KDM2A: variants seen among roughly 807,000 people sequenced by gnomAD.
KDM2A encodes lysine demethylase 2A.
In KDM2A, 3 loss-of-function variants were observed where a neutral mutation model predicts 137.3. The observed-to-expected ratio is 0.02, with a 90% CI of 0.01 to 0.06. The LOEUF is 0.06. KDM2A is among the 10% of genes least tolerant of loss of function. The pLI is 1.00. For synonymous variants in KDM2A, 512 were observed against 541.5 expected, an observed-to-expected ratio of 0.95 and a Z score of 0.76; for missense variants, 738 against 1,510.6, an observed-to-expected ratio of 0.49 and a Z score of 8.48.
intron 5 of KDM2A, among the ~76,000 whole-genome samples, chr11:67,188,476 T>G (rs1296716744): frequency 2.4e-4 from 34 of 144,224 alleles, no homozygotes; most frequent in African/African-American, 8.6e-4. Flanking sequence ...AGCAAGACTC[T>G]GTCTCAAAAA....
rs1175709878 is a variant in KDM2A, at chr11:67,250,170, C to A, written c.2140C>A (p.Pro714Thr). The A allele has an allele frequency of 1.2e-6, 2 of 1,613,702 alleles. No individual in the cohort carries two copies. Among genetic ancestry groups the A allele is most frequent in the Non-Finnish European group, 1.7e-6 (2 of 1,179,782 alleles). The change falls in exon 17 of 21, where the codon CCC (proline) becomes ACC (threonine). Residue 714 changes from proline to threonine, a missense_variant. By Grantham distance (38) the Pro-to-Thr change is conservative (BLOSUM62 -1). Around this residue, in one of 9 missense-constraint regions of KDM2A, gnomAD observed 244 missense variants for 324.6 expected, o/e 0.75. Coordinates refer to ENST00000529006, the MANE Select transcript of KDM2A (RefSeq NM_012308.3). This position sits in a 1 kb window ranked among gnomAD's most constrained non-coding sequence, Gnocchi z 7.1. Reference protein sequence around the residue: ...PLRSCDEPLTPPPHSPTSMLQ... With the variant: ...PLRSCDEPLTTPPHSPTSMLQ... ...GCGGAGCTGCGATGAGCCTCTCACGCCCCCGCCTCATTCACCCACTTCCAT... is the reference window on the plus strand; with the variant it reads ...GCGGAGCTGCGATGAGCCTCTCACGACCCCGCCTCATTCACCCACTTCCAT...
rs186123839 is a variant in KDM2A, at chr11:67,235,451, T to G, written c.1479+3491T>G. ...TCCCGAGTAGCTGGGATTACAGGCA[T>G]GCACCACCACCCTGGCTAATTTTGT... On this transcript the variant is annotated intron_variant, in intron 12 of 20. Coordinates refer to ENST00000529006, the MANE Select transcript of KDM2A (RefSeq NM_012308.3). Among the ~76,000 whole-genome samples the G allele has an allele frequency of 3.5e-3, 533 of 151,446 alleles. 2 individuals carry two copies. The highest frequency in any genetic ancestry group is 0.027 in the Middle Eastern group (8 of 292).
chr11:67,152,729 T>G lies in KDM2A; in HGVS notation c.43-27350T>G, dbSNP rs1411233375. Among the ~76,000 whole-genome samples the G allele has an allele frequency of 2.0e-5, 3 of 152,312 alleles. No individual in the cohort carries two copies. In the East Asian group the frequency reaches 5.8e-4, roughly 29 times the overall value. On this transcript the variant is annotated intron_variant, in intron 2 of 20. Coordinates refer to ENST00000529006, the MANE Select transcript of KDM2A (RefSeq NM_012308.3). ...AACCCATACCAGGGATAAGTACTTC[T>G]TTTATCTTGCTGTAGAATTTCATAT...
intron 8 of KDM2A, 183 bp from the exon 9 acceptor site, chr11:67,217,548 G>A (rs1472069921): frequency 1.6e-6 from 1 of 608,496 alleles, no homozygotes; most frequent in Non-Finnish European, 2.9e-6. Context: ...TCAAGTGAAG[G>A]ATAAGAAAGA....
chr11:67,211,777 C>G (rs1857999141), intron 6 of KDM2A, among the ~76,000 whole-genome samples: 1 of 151,884 alleles, frequency 6.6e-6, no homozygotes, highest in Admixed American at 6.6e-5. Flanking sequence ...TCCTCAAGTT[C>G]TAACCTATTT....
chr11:67,243,329 A>G (rs1370991728), intron 13 of KDM2A, among the ~76,000 whole-genome samples: 2 of 152,230 alleles, frequency 1.3e-5, no homozygotes, highest in African/African-American at 4.8e-5. Context: ...CCAGATTCAG[A>G]TGCCAAATTG....
intron 2 of KDM2A, among the ~76,000 whole-genome samples, chr11:67,170,408 CTTTTTTTTTTT>C (rs923665021): frequency 2.2e-5 from 2 of 92,840 alleles, no homozygotes; most frequent in African/African-American, 4.6e-5. Flanking sequence ...TTCTTTCTTT[CTTTTTTTTTTT>C]TTTTTTTTTT....
chr11:67,221,998 G>C (rs957071751), intron 10 of KDM2A, among the ~76,000 whole-genome samples: 5 of 138,360 alleles, frequency 3.6e-5, no homozygotes, highest in Non-Finnish European at 6.3e-5. Context: ...TAGGGAAAAT[G>C]TTTCAAAAGA....
At chr11:67,199,561 TAACA>T (rs1235051819) in intron 5 of KDM2A, among the ~76,000 whole-genome samples, 1 of 152,200 alleles carries the variant, frequency 6.6e-6, no homozygotes, top group Non-Finnish European at 1.5e-5. Context: ...AACATTCCCT[TAACA>T]AACCCTAAGC....
chr11:67,240,142 G>A (rs1006888579), intron 12 of KDM2A: 9 of 1,436,986 alleles, frequency 6.3e-6, no homozygotes, highest in African/African-American at 4.3e-5. Context: ...TCGAGAAGGA[G>A]CCCAGAGCGC....
At chr11:67,223,268 G>A (rs1389560360) in intron 10 of KDM2A, among the ~76,000 whole-genome samples, 3 of 151,618 alleles carry the variant, frequency 2.0e-5, no homozygotes, top group African/African-American at 7.3e-5. Flanking sequence ...TAAGTAAAAA[G>A]CAATGGGGTC....
chr11:67,212,190 A>G (rs375853142), intron 6 of KDM2A, among the ~76,000 whole-genome samples: 7 of 152,296 alleles, frequency 4.6e-5, no homozygotes, highest in Admixed American at 1.3e-4. Flanking sequence ...GGATGACCTA[A>G]TTTAGAAACT....
In KDM2A at chr11:67,252,835, A is replaced by G. The variant is rs945149361; in HGVS notation, c.2910A>G (p.Thr970=). 6.2e-7 allele frequency: 1 copy of G among 1,609,812 alleles called. No individual in the cohort carries two copies. The highest frequency in any genetic ancestry group is 8.5e-7 in the Non-Finnish European group (1 of 1,176,630). Reference sequence around the variant, plus strand: ...CCAACATCTCTAAAAAGCAACTGACATGGCTCGTCAATAGGCTGCCAGGTA... The same window carrying G: ...CCAACATCTCTAAAAAGCAACTGACGTGGCTCGTCAATAGGCTGCCAGGTA... ...SWTNISKKQL[T]WLVNRLPGLK... The change falls in exon 18 of 21, where the codon ACA becomes ACG. Residue 970 remains threonine, a synonymous_variant. Transcript: ENST00000529006.
intron 18 of KDM2A, among the ~76,000 whole-genome samples, chr11:67,253,251 G>A (rs528737615): frequency 1.3e-5 from 2 of 152,274 alleles, no homozygotes; most frequent in Admixed American, 6.5e-5. Flanking sequence ...GCTCTGGTGG[G>A]AACTAAGCAA....
intron 6 of KDM2A, among the ~76,000 whole-genome samples, chr11:67,209,388 T>C (rs1857908797): frequency 6.6e-6 from 1 of 151,402 alleles, no homozygotes; most frequent in African/African-American, 2.4e-5. Context: ...CCAGTAACAT[T>C]ATTTATTTAT....
intron 5 of KDM2A, among the ~76,000 whole-genome samples, chr11:67,194,824 G>A (rs574450931): frequency 6.6e-6 from 1 of 152,132 alleles, no homozygotes; most frequent in Non-Finnish European, 1.5e-5. Context: ...AGGGTTTTAG[G>A]AGGATCCTAT....
At chr11:67,130,883 T>G (rs971850442) in intron 2 of KDM2A, among the ~76,000 whole-genome samples, 12 of 151,204 alleles carry the variant, frequency 7.9e-5, no homozygotes, top group Non-Finnish European at 1.8e-4. Flanking sequence ...TTTTTTTAAT[T>G]ATGGAGAGAG....
chr11:67,243,188 G>A, intron 13 of KDM2A, 96 bp downstream of exon 13: 1 of 836,792 alleles, frequency 1.2e-6, no homozygotes, highest in Non-Finnish European at 2.0e-6. Flanking sequence ...AGAGGCAGAT[G>A]GCTTTTGGTG....
chr11:67,134,456 G>A (rs1048636559), intron 2 of KDM2A, among the ~76,000 whole-genome samples: 18 of 152,136 alleles, frequency 1.2e-4, no homozygotes, highest in Admixed American at 2.6e-4. Context: ...GCATGTTTCC[G>A]TCCTGATTAT....
Sources: allele counts gnomAD v4.1 joint callset (sites outside exome capture counted in the v4.1 genomes callset), GRCh38; gene constraint gnomAD v4.1.1; regional missense constraint gnomAD v4.1.1; non-coding constraint Gnocchi (gnomAD v3.1); transcripts MANE v1.5; gene names NCBI Gene and HGNC (gene_info 2026-07-23, HGNC 2026-07-21).